SMIM10L3: variants seen among roughly 807,000 people sequenced by gnomAD.
SMIM10L3 encodes the protein small integral membrane protein 10 like 3, also known as salivary gland specific protein SAGSIN1.
At chr7:6,342,121 G>C in the SMIM10L3 span, among the ~76,000 whole-genome samples, 2 of 152,154 alleles carry the variant, frequency 1.3e-5, no homozygotes, top group Non-Finnish European at 2.9e-5. Context: ...TGCTGTTCTA[G>C]GTGCTGGTAT....
the SMIM10L3 span, among the ~76,000 whole-genome samples, chr7:6,341,099 G>A: frequency 1.7e-4 from 25 of 149,976 alleles, no homozygotes; most frequent in South Asian, 3.8e-3. Context: ...AGCTGAGATC[G>A]TGCCACTGCA....
chr7:6,331,875 G>C, the SMIM10L3 span, among the ~76,000 whole-genome samples: 6 of 151,506 alleles, frequency 4.0e-5, no homozygotes, highest in African/African-American at 9.7e-5. Flanking sequence ...TGAGTAGCTG[G>C]GATTACAGGT....
At chr7:6,330,391 G>T in the SMIM10L3 span, 2 of 1,612,844 alleles carry the variant, frequency 1.2e-6, no homozygotes, top group East Asian at 4.5e-5. Flanking sequence ...ATGGCATAAT[G>T]TATTTGCTAA....
the SMIM10L3 span, among the ~76,000 whole-genome samples, chr7:6,336,215 G>A: frequency 2.6e-5 from 4 of 151,574 alleles, no homozygotes; most frequent in East Asian, 1.9e-4. Flanking sequence ...GGGTGGTGGT[G>A]CACACCTGTA....
chr7:6,330,168 T>G, the SMIM10L3 span: 1 of 586,306 alleles, frequency 1.7e-6, no homozygotes. Flanking sequence ...TATATGTCTT[T>G]TAAAGCACAA....
At chr7:6,345,994 C>T in the SMIM10L3 span, among the ~76,000 whole-genome samples, 1 of 152,078 alleles carries the variant, frequency 6.6e-6, no homozygotes, top group South Asian at 2.1e-4. Context: ...GTCTTAAACT[C>T]CTGACCTCAA....
At chr7:6,342,412 G>A in the SMIM10L3 span, among the ~76,000 whole-genome samples, 1 of 151,974 alleles carries the variant, frequency 6.6e-6, no homozygotes, top group Non-Finnish European at 1.5e-5. Context: ...GGGCATGGTG[G>A]TAGGCACCTG....
At chr7:6,348,963 A>C in the SMIM10L3 span, 2 of 377,022 alleles carry the variant, frequency 5.3e-6, no homozygotes. Flanking sequence ...CTGGCCGCGC[A>C]GCCTGACGTC....
At chr7:6,331,839 C>T in the SMIM10L3 span, among the ~76,000 whole-genome samples, 2 of 148,964 alleles carry the variant, frequency 1.3e-5, no homozygotes, top group Admixed American at 6.8e-5. Context: ...CTCTCAGGTT[C>T]GAGCGATTCT....
the SMIM10L3 span, among the ~76,000 whole-genome samples, chr7:6,345,046 T>C: frequency 6.6e-6 from 1 of 152,118 alleles, no homozygotes; most frequent in Non-Finnish European, 1.5e-5. Context: ...GCCCGGCCAC[T>C]GCGCCCGGCC....
At chr7:6,347,890 T>G in the SMIM10L3 span, among the ~76,000 whole-genome samples, 1 of 82,800 alleles carries the variant, frequency 1.2e-5, no homozygotes. Context: ...CCCTTTATTA[T>G]TATTATTATT....
the SMIM10L3 span, chr7:6,330,756 T>G: frequency 6.2e-7 from 1 of 1,614,030 alleles, no homozygotes; most frequent in Admixed American, 1.7e-5. Flanking sequence ...CCCTGGGCCC[T>G]CCTCCCAGCC....
the SMIM10L3 span, chr7:6,348,954 T>A: frequency 2.7e-6 from 1 of 376,424 alleles, no homozygotes; most frequent in Non-Finnish European, 4.7e-6. Flanking sequence ...TGTACCAGCC[T>A]GGCCGCGCAG....
chr7:6,331,511 C>T, the SMIM10L3 span, among the ~76,000 whole-genome samples: 3 of 151,820 alleles, frequency 2.0e-5, no homozygotes, highest in East Asian at 2.0e-4. Context: ...CTGTCGCCCA[C>T]GCTGGGCGAC....
the SMIM10L3 span, among the ~76,000 whole-genome samples, chr7:6,339,630 C>T: frequency 2.0e-5 from 3 of 150,878 alleles, no homozygotes; most frequent in Non-Finnish European, 4.4e-5. Context: ...ACTACAGGCG[C>T]CCGCCACCAC....
the SMIM10L3 span, among the ~76,000 whole-genome samples, chr7:6,343,206 G>A: frequency 6.6e-5 from 10 of 150,790 alleles, no homozygotes; most frequent in African/African-American, 1.5e-4. Context: ...GTGAAGCCCC[G>A]TCTCTACTAA....
the SMIM10L3 span, among the ~76,000 whole-genome samples, chr7:6,336,587 G>C: frequency 1.3e-5 from 2 of 151,042 alleles, no homozygotes; most frequent in Non-Finnish European, 2.9e-5. Flanking sequence ...AGGAGGCTGA[G>C]ACACGAGAAT....
chr7:6,330,672 C>T, the SMIM10L3 span: 1 of 1,613,968 alleles, frequency 6.2e-7, no homozygotes, highest in Non-Finnish European at 8.5e-7. Context: ...CCATTTCCGG[C>T]ACTTTTTGAT....
chr7:6,331,503 G>A, the SMIM10L3 span, among the ~76,000 whole-genome samples: 1 of 151,458 alleles, frequency 6.6e-6, no homozygotes, highest in Non-Finnish European at 1.5e-5. Flanking sequence ...GTCTTGCTCT[G>A]TCGCCCACGC....
Sources: gnomAD v4.1 joint callset for allele counts (sites outside exome capture counted in the v4.1 genomes callset) on GRCh38, gnomAD v4.1.1 for gene constraint, MANE v1.5 for transcripts, NCBI Gene and HGNC (gene_info 2026-07-23, HGNC 2026-07-21) for gene names.